BMAL1: variants seen among roughly 807,000 people sequenced by gnomAD.
BMAL1 encodes the protein basic helix-loop-helix ARNT-like protein 1.
the BMAL1 span, among the ~76,000 whole-genome samples, chr11:13,288,408 T>TCTTTC: frequency 8.3e-5 from 1 of 12,090 alleles, no homozygotes; most frequent in Admixed American, 1.5e-3. Flanking sequence ...CTTTCTTTCT[T>TCTTTC]TCTTTCTTTT....
At chr11:13,336,074 A>G in the BMAL1 span, among the ~76,000 whole-genome samples, 4 of 152,226 alleles carry the variant, frequency 2.6e-5, no homozygotes, top group African/African-American at 9.6e-5. Context: ...ACAGACTTTA[A>G]ATGAAAAGAA....
At chr11:13,364,682 G>GGC in the BMAL1 span, among the ~76,000 whole-genome samples, 4 of 152,186 alleles carry the variant, frequency 2.6e-5, no homozygotes, top group Non-Finnish European at 5.9e-5. Context: ...CAAGCTCTCA[G>GGC]GCACTATAGC....
chr11:13,386,550 T>A, the BMAL1 span: 5 of 1,492,998 alleles, frequency 3.3e-6, no homozygotes, highest in South Asian at 7.1e-5. Flanking sequence ...AATCTGAAGA[T>A]GCTTTAAAAA....
At chr11:13,385,435 GA>G in the BMAL1 span, among the ~76,000 whole-genome samples, 1 of 152,188 alleles carries the variant, frequency 6.6e-6, no homozygotes, top group Admixed American at 6.5e-5. Flanking sequence ...CCAGGCAGTT[GA>G]ATGCTCTTGG....
the BMAL1 span, chr11:13,373,946 C>G: frequency 1.6e-6 from 1 of 620,436 alleles, no homozygotes; most frequent in Non-Finnish European, 2.8e-6. Flanking sequence ...AAGATCCACA[C>G]AGTGAGCCCT....
At chr11:13,375,501 A>G in the BMAL1 span, 1 of 906,982 alleles carries the variant, frequency 1.1e-6, no homozygotes, top group South Asian at 2.1e-5. Context: ...TTGGCTTACT[A>G]AAGAGCGATG....
the BMAL1 span, among the ~76,000 whole-genome samples, chr11:13,282,766 G>A: frequency 6.6e-6 from 1 of 152,186 alleles, no homozygotes; most frequent in African/African-American, 2.4e-5. Context: ...TCACCTGCTC[G>A]CTCAGCCTGA....
At chr11:13,286,203 C>T in the BMAL1 span, among the ~76,000 whole-genome samples, 1 of 152,252 alleles carries the variant, frequency 6.6e-6, no homozygotes, top group Non-Finnish European at 1.5e-5. Context: ...AGACCCTCCT[C>T]TCAGTAGCAT....
At chr11:13,293,843 A>G in the BMAL1 span, among the ~76,000 whole-genome samples, 1 of 152,250 alleles carries the variant, frequency 6.6e-6, no homozygotes, top group Non-Finnish European at 1.5e-5. Flanking sequence ...TTTTTAAATG[A>G]TTTGGTCCAT....
the BMAL1 span, chr11:13,366,558 A>C: frequency 2.0e-6 from 2 of 1,010,632 alleles, no homozygotes; most frequent in Non-Finnish European, 3.0e-6. Flanking sequence ...TTGAGGTCTC[A>C]TGCACAAAAA....
At chr11:13,316,721 C>G in the BMAL1 span, among the ~76,000 whole-genome samples, 1 of 152,150 alleles carries the variant, frequency 6.6e-6, no homozygotes, top group Admixed American at 6.5e-5. Flanking sequence ...CTGTTTTTGA[C>G]TGGGAAAAAT....
At chr11:13,374,791 T>C in the BMAL1 span, among the ~76,000 whole-genome samples, 1 of 152,218 alleles carries the variant, frequency 6.6e-6, no homozygotes, top group Non-Finnish European at 1.5e-5. Flanking sequence ...CCCAGATAGA[T>C]TGAGCCTGGT....
At chr11:13,360,624 C>T in the BMAL1 span, among the ~76,000 whole-genome samples, 1 of 151,966 alleles carries the variant, frequency 6.6e-6, no homozygotes, top group East Asian at 1.9e-4. Flanking sequence ...CTTTTAACCT[C>T]GTCTAGACAA....
chr11:13,368,832 T>C, the BMAL1 span, among the ~76,000 whole-genome samples: 3 of 152,214 alleles, frequency 2.0e-5, no homozygotes, highest in Non-Finnish European at 4.4e-5. Flanking sequence ...TATAATTTCA[T>C]ATTTTCTGGT....
chr11:13,359,491 T>C, the BMAL1 span, among the ~76,000 whole-genome samples: 4 of 152,220 alleles, frequency 2.6e-5, no homozygotes, highest in Non-Finnish European at 5.9e-5. Flanking sequence ...ATAACATGGG[T>C]TAAATTATTA....
chr11:13,290,890 T>A, the BMAL1 span, among the ~76,000 whole-genome samples: 1 of 152,196 alleles, frequency 6.6e-6, no homozygotes, highest in Non-Finnish European at 1.5e-5. Flanking sequence ...TTGAGGTTTC[T>A]GACTGTGTTA....
chr11:13,277,427 G>T, the BMAL1 span, among the ~76,000 whole-genome samples: 1 of 152,198 alleles, frequency 6.6e-6, no homozygotes, highest in Non-Finnish European at 1.5e-5. Context: ...GAGGGCAGGG[G>T]CGAGGAACCC....
At chr11:13,378,412 G>A in the BMAL1 span, 5 of 1,612,986 alleles carry the variant, frequency 3.1e-6, no homozygotes, top group Non-Finnish European at 3.4e-6. Context: ...AAAATAGGCC[G>A]AATGATTGCT....
chr11:13,336,272 CTATT>C, the BMAL1 span, among the ~76,000 whole-genome samples: 2 of 152,152 alleles, frequency 1.3e-5, no homozygotes, highest in Non-Finnish European at 2.9e-5. Flanking sequence ...TTTGCAATCT[CTATT>C]TTTTTCACTC....
Sources: gnomAD v4.1 joint callset for allele counts (sites outside exome capture counted in the v4.1 genomes callset) on GRCh38, gnomAD v4.1.1 for gene constraint, MANE v1.5 for transcripts, NCBI Gene and HGNC (gene_info 2026-07-23, HGNC 2026-07-21) for gene names.